EEPD1: variants seen among roughly 807,000 people sequenced by gnomAD.
EEPD1 encodes endonuclease/exonuclease/phosphatase family domain-containing protein 1.
In EEPD1, 17 loss-of-function variants were observed where a neutral mutation model predicts 46.3. The observed-to-expected ratio is 0.37, with a 90% confidence interval of 0.25 to 0.55. The LOEUF is 0.55. Ranked by LOEUF, EEPD1 falls within the 20% of genes least tolerant of loss-of-function variation. EEPD1 has a pLI of 0.83. For missense variants in EEPD1, 673 were observed against 745.6 expected (o/e 0.90, Z 1.13); for synonymous variants, 313 against 315.6 (o/e 0.99, Z 0.09).
chr7:36,276,527 T>G (rs948363637), intron 3 of EEPD1, among the ~76,000 whole-genome samples: 1 of 152,192 alleles, frequency 6.6e-6, no homozygotes, highest in Non-Finnish European at 1.5e-5. Flanking sequence ...ATTCATTACC[T>G]CACAAGGTTA....
At chr7:36,287,425 G>A (rs1416218696) in intron 5 of EEPD1, among the ~76,000 whole-genome samples, 1 of 152,044 alleles carries the variant, frequency 6.6e-6, no homozygotes, top group Non-Finnish European at 1.5e-5. Context: ...TGTTAGGGGT[G>A]GACTGGTAGA....
In EEPD1 at chr7:36,299,371, C is replaced by T. The variant is rs1787581072; in HGVS notation, c.*165C>T. The T allele has an allele frequency of 1.2e-6, 1 of 866,740 alleles. No individual in the cohort carries two copies. Among genetic ancestry groups the T allele is most frequent in the Non-Finnish European group, 1.7e-6 (1 of 579,772 alleles). The allele number at this position is 866,740 out of a possible 1,614,324, so 53.7% of individuals were successfully genotyped here. On this transcript the variant is annotated 3_prime_UTR_variant, in exon 8 of 8. Coordinates refer to ENST00000242108, the MANE Select transcript of EEPD1 (RefSeq NM_030636.3). ...CTTCTCTGTGGACCATTCAGGACCT[C>T]CAGTGGGGGTGGCGTGCCAGGCGCG...
At chr7:36,291,255 T>C (rs868017042) in intron 6 of EEPD1, among the ~76,000 whole-genome samples, 2 of 152,228 alleles carry the variant, frequency 1.3e-5, no homozygotes, top group South Asian at 2.1e-4. Context: ...CTGGGACATT[T>C]GTGGTTCCGC....
rs151091779 is a variant in EEPD1 at position 36,276,053 on chromosome 7, C to A, written c.931-5062C>A. Among the ~76,000 whole-genome samples, 548 of 152,276 alleles carry A rather than the reference C, an allele frequency of 3.6e-3. 2 individuals are homozygous for A. The highest frequency in any genetic ancestry group is 6.5e-3 in the Non-Finnish European group (440 of 68,010). On this transcript the variant is annotated intron_variant, in intron 3 of 7. Transcript: ENST00000242108. ...GATTGGAGTTTAAATATCTGACTTT[C>A]AGAGGCATTTGAACCAGAGTGACTC... is the stretch of plus-strand genomic sequence containing the variant.
intron 3 of EEPD1, among the ~76,000 whole-genome samples, chr7:36,259,211 C>T (rs897005350): frequency 1.3e-5 from 2 of 152,184 alleles, no homozygotes; most frequent in African/African-American, 4.8e-5. Context: ...GAGCCAGGTA[C>T]CTCAGTTGGA....
At chr7:36,177,931 C>G (rs1785211340) in intron 2 of EEPD1, among the ~76,000 whole-genome samples, 1 of 152,110 alleles carries the variant, frequency 6.6e-6, no homozygotes, top group African/African-American at 2.4e-5. Context: ...TCAGGCTGGT[C>G]TTGAACTCCT....
intron 2 of EEPD1, among the ~76,000 whole-genome samples, chr7:36,226,700 G>C (rs779275386): frequency 2.5e-4 from 38 of 152,226 alleles, no homozygotes; most frequent in Non-Finnish European, 4.3e-4. Context: ...AAACTACTTA[G>C]AGATAGAAAA....
intron 2 of EEPD1, among the ~76,000 whole-genome samples, chr7:36,172,324 C>G (rs1432971038): frequency 6.6e-6 from 1 of 152,206 alleles, no homozygotes; most frequent in Non-Finnish European, 1.5e-5. Flanking sequence ...TGAGAGGGGC[C>G]TGTCTCATAC....
intron 2 of EEPD1, among the ~76,000 whole-genome samples, chr7:36,208,088 T>A (rs1415686359): frequency 3.3e-5 from 5 of 152,120 alleles, no homozygotes; most frequent in Non-Finnish European, 5.9e-5. Context: ...GAAGTGTGAA[T>A]CCTAGTGACC....
At chr7:36,187,645 G>A (rs1482008976) in intron 2 of EEPD1, among the ~76,000 whole-genome samples, 3 of 152,118 alleles carry the variant, frequency 2.0e-5, no homozygotes, top group African/African-American at 7.2e-5. Context: ...TTGATTAAGT[G>A]CTGTTGGATA....
intron 2 of EEPD1, among the ~76,000 whole-genome samples, chr7:36,232,403 A>C (rs1395078348): frequency 6.6e-6 from 1 of 151,580 alleles, no homozygotes; most frequent in Admixed American, 6.6e-5. Context: ...ACGGGGTTTC[A>C]CTGTGTTAGC....
At chr7:36,244,738 C>T (rs894863308) in intron 3 of EEPD1, among the ~76,000 whole-genome samples, 8 of 149,714 alleles carry the variant, frequency 5.3e-5, no homozygotes, top group Non-Finnish European at 8.9e-5. Flanking sequence ...TCCCACTCTT[C>T]GATACCTGGG....
intron 3 of EEPD1, among the ~76,000 whole-genome samples, chr7:36,270,914 C>A (rs185021142): frequency 5.3e-5 from 8 of 152,176 alleles, no homozygotes; most frequent in Non-Finnish European, 2.9e-5. Context: ...AATTTACACT[C>A]CCACCAAGTG....
intron 2 of EEPD1, among the ~76,000 whole-genome samples, chr7:36,165,739 A>AGAAC (rs1784972942): frequency 6.6e-6 from 1 of 151,928 alleles, no homozygotes; most frequent in Non-Finnish European, 1.5e-5. Flanking sequence ...GCCCGGCCCT[A>AGAAC]ATGATCCATT....
chr7:36,182,195 A>G (rs1252908470), intron 2 of EEPD1, among the ~76,000 whole-genome samples: 14 of 152,250 alleles, frequency 9.2e-5, no homozygotes. Context: ...AACAGAAGGA[A>G]GAGAAGGCCC....
At chr7:36,293,641 G>T (rs1263854475) in intron 6 of EEPD1, among the ~76,000 whole-genome samples, 2 of 152,118 alleles carry the variant, frequency 1.3e-5, no homozygotes, top group African/African-American at 4.8e-5. Context: ...TTGAGAAAAG[G>T]AACACCCCCA....
At chr7:36,228,877 A>C (rs894386226) in intron 2 of EEPD1, 2 of 152,172 alleles carry the variant, frequency 1.3e-5, no homozygotes, top group Non-Finnish European at 2.9e-5. Context: ...TAAGGATGAA[A>C]ATTGATTAAT....
chr7:36,239,670 G>A (rs559800849), intron 3 of EEPD1, among the ~76,000 whole-genome samples: 3 of 152,234 alleles, frequency 2.0e-5, no homozygotes, highest in African/African-American at 7.2e-5. Context: ...CTATGTTCAA[G>A]TCAAGCCTGG....
At chr7:36,242,953 G>C (rs1025767720) in intron 3 of EEPD1, among the ~76,000 whole-genome samples, 1 of 152,086 alleles carries the variant, frequency 6.6e-6, no homozygotes, top group African/African-American at 2.4e-5. Flanking sequence ...TGGTCCAGTT[G>C]ATATGCTGGA....
Sources: gnomAD v4.1 joint callset for allele counts (sites outside exome capture counted in the v4.1 genomes callset) on GRCh38, gnomAD v4.1.1 for gene constraint, MANE v1.5 for transcripts, NCBI Gene and HGNC (gene_info 2026-07-23, HGNC 2026-07-21) for gene names.